The following DOCK1 variants were observed in gnomAD, a reference collection of about 807,000 sequenced individuals.
DOCK1 encodes dedicator of cytokinesis 1.
A neutral mutation model predicts 262.7 loss-of-function variants in DOCK1; 138 were observed. The observed-to-expected ratio is 0.53, with a 90% CI of 0.46 to 0.61. DOCK1 has a LOEUF of 0.61. Among genes scored for constraint, DOCK1 ranks in the 20% least tolerant of loss-of-function variants. DOCK1 has a pLI of 0.00. For missense variants in DOCK1, 1,908 were observed against 2,370.7 expected, an observed-to-expected ratio of 0.80 and a Z score of 4.05; for synonymous variants, 866 against 867.4, an observed-to-expected ratio of 1.00 and a Z score of 0.03.
chr10:127,231,115 C>G (rs376746675), intron 27 of DOCK1, among the ~76,000 whole-genome samples: 3 of 152,008 alleles, frequency 2.0e-5, no homozygotes, highest in Admixed American at 2.0e-4. Flanking sequence ...CATTAAACAA[C>G]CAGAAATTTT....
intron 1 of DOCK1, among the ~76,000 whole-genome samples, chr10:126,947,128 C>A (rs1262897692): frequency 6.6e-6 from 1 of 152,110 alleles, no homozygotes; most frequent in Non-Finnish European, 1.5e-5. Context: ...TGCTGTTAGC[C>A]CTATTTCATA....
At chr10:127,181,801 T>C (rs750506687) in intron 27 of DOCK1, among the ~76,000 whole-genome samples, 2 of 152,152 alleles carry the variant, frequency 1.3e-5, no homozygotes, top group Non-Finnish European at 2.9e-5. Context: ...GTCACTCACA[T>C]TGTGAAATAG....
chr10:127,129,373 T>G (rs2050167516), intron 27 of DOCK1, among the ~76,000 whole-genome samples: 1 of 152,012 alleles, frequency 6.6e-6, no homozygotes, highest in South Asian at 2.1e-4. Flanking sequence ...CATGTATGAA[T>G]CAGGAAATAA....
At chr10:127,077,688 A>C (rs952733092) in intron 23 of DOCK1, among the ~76,000 whole-genome samples, 15 of 152,144 alleles carry the variant, frequency 9.9e-5, no homozygotes, top group Non-Finnish European at 2.2e-4. Flanking sequence ...GCAGGAGAGG[A>C]AACCAGGTAT....
At chr10:127,269,662 A>G (rs2060490337) in intron 29 of DOCK1, among the ~76,000 whole-genome samples, 1 of 152,222 alleles carries the variant, frequency 6.6e-6, no homozygotes, top group Admixed American at 6.5e-5. Flanking sequence ...GCATCTTGGA[A>G]GGACAGAGCT....
chr10:127,352,004 G>A (rs1048523660), intron 31 of DOCK1, among the ~76,000 whole-genome samples: 3 of 151,400 alleles, frequency 2.0e-5, no homozygotes, highest in African/African-American at 4.9e-5. Flanking sequence ...CTGAGGGGTG[G>A]GCTCTTGTAT....
intron 29 of DOCK1, among the ~76,000 whole-genome samples, chr10:127,337,947 G>A (rs1269725727): frequency 6.6e-6 from 1 of 152,208 alleles, no homozygotes; most frequent in Non-Finnish European, 1.5e-5. Flanking sequence ...TAAAACCCCA[G>A]GTGGTGAATT....
chr10:126,918,450 G>A (rs2032771437), intron 1 of DOCK1, among the ~76,000 whole-genome samples: 1 of 152,242 alleles, frequency 6.6e-6, no homozygotes. Context: ...AGAGTTGAAT[G>A]ACCTGGGTCA....
chr10:127,289,199 C>T (rs2061265549), intron 29 of DOCK1, among the ~76,000 whole-genome samples: 2 of 152,188 alleles, frequency 1.3e-5, no homozygotes, highest in Non-Finnish European at 2.9e-5. Context: ...CTTGTATTCC[C>T]ATCCCTTTCT....
At chr10:127,385,738 A>T (rs2066075804) in intron 38 of DOCK1, among the ~76,000 whole-genome samples, 1 of 152,124 alleles carries the variant, frequency 6.6e-6, no homozygotes, top group Non-Finnish European at 1.5e-5. Context: ...TGCAGGGGAA[A>T]ATCTGCCCCG....
intron 27 of DOCK1, among the ~76,000 whole-genome samples, chr10:127,166,200 G>A (rs1266077144): frequency 6.6e-6 from 1 of 152,102 alleles, no homozygotes; most frequent in East Asian, 1.9e-4. Flanking sequence ...CAAGTAGCTG[G>A]GACTACAGGT....
intron 29 of DOCK1, among the ~76,000 whole-genome samples, chr10:127,326,939 G>C (rs2062770047): frequency 6.6e-6 from 1 of 152,208 alleles, no homozygotes; most frequent in Non-Finnish European, 1.5e-5. Context: ...TTGTCAATGA[G>C]CAGTAATATT....
chr10:127,392,096 G>A (rs1466654185), intron 38 of DOCK1, among the ~76,000 whole-genome samples: 2 of 150,508 alleles, frequency 1.3e-5, no homozygotes, highest in East Asian at 1.9e-4. Context: ...CTGCCCCGGC[G>A]TGGACCGGCT....
intron 4 of DOCK1, among the ~76,000 whole-genome samples, chr10:126,983,877 A>G (rs1178785171): frequency 6.6e-6 from 1 of 152,156 alleles, no homozygotes; most frequent in Non-Finnish European, 1.5e-5. Context: ...TGCTTTTCCC[A>G]GTACTGACAT....
intron 29 of DOCK1, among the ~76,000 whole-genome samples, chr10:127,315,317 T>C (rs1054621247): frequency 3.9e-5 from 6 of 152,170 alleles, no homozygotes; most frequent in African/African-American, 1.2e-4. Context: ...AATGTGACTG[T>C]ATTTGCAGAT....
At chr10:127,108,283 A>G (rs551841394) in intron 24 of DOCK1, among the ~76,000 whole-genome samples, 9 of 152,276 alleles carry the variant, frequency 5.9e-5, no homozygotes, top group South Asian at 2.1e-4. Context: ...GTACACACAC[A>G]CTTAAAAAAG....
rs958103051 is a variant in DOCK1 at position 126,952,924 on chromosome 10, G to T, written c.47-17778G>T. Among the ~76,000 whole-genome samples, 9 of 147,890 alleles carry T rather than the reference G, an allele frequency of 6.1e-5. No individual in the cohort carries two copies. In the East Asian group the frequency reaches 1.8e-3, roughly 30 times the overall value. On this transcript the variant is annotated intron_variant, in intron 1 of 51. Transcript: ENST00000623213. ...TGGTGGTGGTGATAGTATTGTTATT[G>T]TTGGTAGTATTGTTGGTGATGGTAG...
Position 127,445,829 on chromosome 10 carries a change from G to A in DOCK1, c.5413+1550G>A, listed in dbSNP as rs112391562. The stretch of plus-strand genomic sequence containing the variant: ...CCGTGCAATGGAATATTACCCAGCC[G>A]TAGAAAGGAGTGAAGTTCTGACACG... On this transcript the variant is annotated intron_variant, in intron 50 of 51. Coordinates refer to ENST00000623213, the MANE Select transcript of DOCK1 (RefSeq NM_001290223.2). Among the ~76,000 whole-genome samples the A allele has an allele frequency of 2.4e-3, 372 of 152,344 alleles. 3 individuals are homozygous for A. Among genetic ancestry groups the A allele is most frequent in the African/African-American group, 8.0e-3 (333 of 41,586 alleles).
In DOCK1 at chr10:127,176,192, C is replaced by A; in HGVS notation, c.2847+48428C>A. 3.1e-6 allele frequency: 5 copies of A among 1,614,148 alleles called. No individual in the cohort carries two copies. Among genetic ancestry groups the A allele is most frequent in the Non-Finnish European group, 4.2e-6 (5 of 1,180,044 alleles). ...GCTTGGCCTCCCGCTTCTCCCCCAG[C>A]TGGCCCGAGGACAGCTGTGTGTCCC... On this transcript the variant is annotated intron_variant, in intron 27 of 51. Coordinates refer to ENST00000623213, the MANE Select transcript of DOCK1 (RefSeq NM_001290223.2). This position sits in a 1 kb window ranked among gnomAD's most constrained non-coding sequence, Gnocchi z 4.4.
Sources: gnomAD v4.1 joint callset for allele counts (sites outside exome capture counted in the v4.1 genomes callset) on GRCh38, gnomAD v4.1.1 for gene constraint, Gnocchi (gnomAD v3.1) non-coding constraint, MANE v1.5 for transcripts, NCBI Gene and HGNC (gene_info 2026-07-23, HGNC 2026-07-21) for gene names.